Variants in PIKFYVE observed in about 807,000 individuals in gnomAD.
PIKFYVE encodes the protein phosphoinositide kinase, FYVE-type zinc finger containing, also known as 1-phosphatidylinositol 3-phosphate 5-kinase.
In PIKFYVE, 122 loss-of-function variants were observed where a neutral mutation model predicts 257.9. The observed-to-expected ratio is 0.47, with a 90% CI of 0.41 to 0.55. The LOEUF (loss-of-function observed/expected upper bound fraction) is 0.55, where lower values mean the gene tolerates loss of function less well. Among genes scored for constraint, PIKFYVE ranks in the 20% least tolerant of loss-of-function variants. The probability of loss-of-function intolerance (pLI) is 0.00; values close to 1 mark genes in which losing one functional copy is unlikely to be tolerated. For missense variants in PIKFYVE, 2,160 were observed against 2,536.6 expected (o/e 0.85, Z 3.19); for synonymous variants, 892 against 868.9 (o/e 1.03, Z -0.47).
chr2:208,273,780 C>G (rs770721891), intron 3 of PIKFYVE, 47 bp downstream of exon 3: 3 of 1,605,682 alleles, frequency 1.9e-6, no homozygotes, highest in Non-Finnish European at 2.6e-6. Flanking sequence ...CTAGATTTTT[C>G]CACAGTCATT....
In PIKFYVE at chr2:208,287,565, C is replaced by T. The variant is rs188673457; in HGVS notation, c.822-1164C>T. ...CTGGGATTACAGGTGTGAGCCACCG[C>T]GCCTGGCCAGAGTTTCTTTTTCTTA... On this transcript the variant is annotated intron_variant, in intron 6 of 41. Transcript: ENST00000264380. Among the ~76,000 whole-genome samples, 413 of 151,540 alleles carry T rather than the reference C, an allele frequency of 2.7e-3. 8 individuals are homozygous for T. Among genetic ancestry groups the T allele is most frequent in the Admixed American group, 0.025 (382 of 15,216 alleles).
At position 208,355,170 on chromosome 2, in the gene PIKFYVE, TTTCTC is replaced by T; in HGVS notation, c.6182-17_6182-13del. 2.5e-6 allele frequency: 4 copies of T among 1,581,508 alleles called. No homozygotes were observed. In the Middle Eastern group the frequency reaches 5.0e-4, roughly 197 times the overall value. ...AATTATATAACAGCTTTTTCCCCCT[TTTCTC>T]TTTCATAATCTCAGGTAAAATGCCA... On this transcript the variant is annotated splice_polypyrimidine_tract_variant and intron_variant, in intron 41 of 41. Transcript: ENST00000264380.
chr2:208,312,693 C>T (rs1443167434), intron 13 of PIKFYVE, among the ~76,000 whole-genome samples: 2 of 152,214 alleles, frequency 1.3e-5, no homozygotes, highest in Non-Finnish European at 2.9e-5. Flanking sequence ...GCTGCTTGCC[C>T]TGTGGAGTGA....
At chr2:208,351,526 G>C in intron 38 of PIKFYVE, 71 bp downstream of exon 38, 1 of 1,216,404 alleles carries the variant, frequency 8.2e-7, no homozygotes, top group Non-Finnish European at 1.2e-6. Context: ...CTTTCTGTTA[G>C]TCTATTCTTG....
chr2:208,323,522 T>G (rs1696553850), intron 17 of PIKFYVE, among the ~76,000 whole-genome samples: 1 of 152,192 alleles, frequency 6.6e-6, no homozygotes, highest in Admixed American at 6.5e-5. Context: ...GTTGGACATT[T>G]GGGTTGGTTC....
At chr2:208,332,864 C>A (rs184222548) in intron 23 of PIKFYVE, among the ~76,000 whole-genome samples, 2 of 152,142 alleles carry the variant, frequency 1.3e-5, no homozygotes, top group East Asian at 3.9e-4. Context: ...TCCACCACCC[C>A]CAAGTCCACC....
intron 4 of PIKFYVE, 112 bp downstream of exon 4, chr2:208,276,942 C>T (rs973055352): frequency 7.8e-6 from 6 of 768,908 alleles, no homozygotes; most frequent in Non-Finnish European, 1.1e-5. Flanking sequence ...GCGCTTCCTC[C>T]AGCTGTGAGC....
rs1696866879 is a variant in PIKFYVE at position 208,325,832 on chromosome 2, T to C, written c.3021T>C (p.Asp1007=). 1 of 1,614,022 alleles carries C rather than the reference T, an allele frequency of 6.2e-7. No homozygotes were observed. The highest frequency in any genetic ancestry group is 8.5e-7 in the Non-Finnish European group (1 of 1,180,000). The change falls in exon 20 of 42, where the codon GAT becomes GAC. Residue 1007 remains aspartate (D), a synonymous_variant. Transcript: ENST00000264380. ...TGCAGCAAACAGTTGTGCTGCAGGA[T>C]CCCAAAAGCCAGATAAGAGCCTTTA... The part of the protein sequence containing the change: ...ETLQQTVVLQ[D]PKSQIRAFRD...
chr2:208,353,145 A>C (rs922732053), intron 39 of PIKFYVE, among the ~76,000 whole-genome samples: 1 of 152,214 alleles, frequency 6.6e-6, no homozygotes, highest in Non-Finnish European at 1.5e-5. Context: ...AGATTCTAAA[A>C]CAGTACTGTT....
intron 20 of PIKFYVE, 69 bp downstream of exon 20, chr2:208,326,498 TA>T (rs1336339996): frequency 6.6e-7 from 1 of 1,525,126 alleles, no homozygotes; most frequent in Non-Finnish European, 9.1e-7. Context: ...AAAGGCAGGC[TA>T]AAAAAATCAG....
chr2:208,307,572 A>AT (rs56834216), intron 12 of PIKFYVE, among the ~76,000 whole-genome samples: 1 of 145,286 alleles, frequency 6.9e-6, no homozygotes, highest in African/African-American at 2.5e-5. Flanking sequence ...TGATAGATAC[A>AT]TTTTTTTTTT....
chr2:208,267,935 C>T (rs1165193671), intron 1 of PIKFYVE, among the ~76,000 whole-genome samples: 9 of 152,290 alleles, frequency 5.9e-5, no homozygotes, highest in African/African-American at 2.2e-4. Context: ...TGAGCAGCCA[C>T]GTCCGGCCTT....
chr2:208,330,409 T>C (rs12694109), intron 22 of PIKFYVE, 114 bp from the exon 23 acceptor site: 1,202,119 of 1,258,534 alleles, frequency 0.96, 579,988 homozygotes, highest in Non-Finnish European at 0.98. Context: ...AGCTGCAGGC[T>C]CAGAGCAGCA....
At chr2:208,344,720 TC>T (rs5838117) in intron 32 of PIKFYVE, among the ~76,000 whole-genome samples, 140,678 of 151,362 alleles carry the variant, frequency 0.93, 65,912 homozygotes, top group Non-Finnish European at 0.98. Flanking sequence ...AACATTTTTT[TC>T]CCCTTAAAGT....
At chr2:208,277,512 C>A (rs752736557) in intron 4 of PIKFYVE, 25 bp from the exon 5 acceptor site, 5 of 1,611,218 alleles carry the variant, frequency 3.1e-6, no homozygotes, top group Non-Finnish European at 3.4e-6. Flanking sequence ...TTTCAAGAAG[C>A]CTTCACACAT....
chr2:208,339,597 G>A, intron 30 of PIKFYVE, 42 bp downstream of exon 30: 1 of 1,604,864 alleles, frequency 6.2e-7, no homozygotes, highest in Non-Finnish European at 8.5e-7. Context: ...TTGTATCTAA[G>A]ACTGAAAGAT....
intron 40 of PIKFYVE, among the ~76,000 whole-genome samples, 197 bp from the exon 41 acceptor site, chr2:208,354,374 T>C (rs1315502999): frequency 6.6e-6 from 1 of 152,242 alleles, no homozygotes; most frequent in Admixed American, 6.5e-5. Flanking sequence ...AAGTCACTTA[T>C]AAATGAGGAC....
At position 208,352,787 on chromosome 2, in the gene PIKFYVE, G is replaced by T; in HGVS notation, c.5844+5G>T. ...TACGGGAGAAAGATGGCACAGGTAA[G>T]GGTATTGGACTATGTGAAGCATTTA... On this transcript the variant is annotated splice_donor_5th_base_variant and intron_variant, in intron 39 of 41. Transcript: ENST00000264380. 2 of 1,612,372 alleles carry T rather than the reference G, an allele frequency of 1.2e-6. No homozygotes were observed. Among genetic ancestry groups the T allele is most frequent in the South Asian group, 2.2e-5 (2 of 90,782 alleles).
chr2:208,284,258 A>G (rs1173433064), intron 5 of PIKFYVE, among the ~76,000 whole-genome samples: 2 of 148,444 alleles, frequency 1.3e-5, no homozygotes, highest in Admixed American at 6.7e-5. Context: ...TTTCATTTCT[A>G]TCCTTTTTTT....
Sources: gnomAD v4.1 joint callset for allele counts (sites outside exome capture counted in the v4.1 genomes callset) on GRCh38, gnomAD v4.1.1 for gene constraint, MANE v1.5 for transcripts, NCBI Gene and HGNC (gene_info 2026-07-23, HGNC 2026-07-21) for gene names.